The following MYO5A variants were observed in gnomAD, a reference collection of about 807,000 sequenced individuals.
The protein encoded by MYO5A is unconventional myosin-Va.
In MYO5A, 98 loss-of-function variants were observed where a neutral mutation model predicts 249.7. That is an observed-to-expected ratio of 0.39 (90% CI 0.33 to 0.46). The LOEUF (loss-of-function observed/expected upper bound fraction) is 0.46, where lower values mean the gene tolerates loss of function less well. Among genes scored for constraint, MYO5A ranks in the 20% least tolerant of loss-of-function variants. MYO5A has a pLI of 0.98. For synonymous variants in MYO5A, 778 were observed against 810.6 expected, an observed-to-expected ratio of 0.96 and a Z score of 0.68; for missense variants, 1,696 against 2,308.8, an observed-to-expected ratio of 0.73 and a Z score of 5.44.
rs2042108560 is a variant in MYO5A at position 52,389,371 on chromosome 15, C to T, written c.1543-8G>A. 6.2e-7 allele frequency: 1 copy of T among 1,608,916 alleles called. No homozygotes were observed. Among genetic ancestry groups the T allele is most frequent in the African/African-American group, 1.4e-5 (1 of 73,192 alleles). On this transcript the variant is annotated splice_polypyrimidine_tract_variant and splice_region_variant and intron_variant, in intron 12 of 41. Transcript: ENST00000399233. Reference sequence around the variant, plus strand: ...ATCTGTGCCTTTAGGCATCTATATTCATGGAAAAAAGGAAGAAAGAAAACA... The same window carrying T: ...ATCTGTGCCTTTAGGCATCTATATTTATGGAAAAAAGGAAGAAAGAAAACA...
At chr15:52,340,984 G>C (rs995452577) in intron 31 of MYO5A, among the ~76,000 whole-genome samples, 3 of 147,312 alleles carry the variant, frequency 2.0e-5, no homozygotes, top group Non-Finnish European at 4.4e-5. Flanking sequence ...TAGGAAATGA[G>C]GATGTAAAAA....
chr15:52,490,172 G>A (rs2076907411), intron 1 of MYO5A, among the ~76,000 whole-genome samples: 1 of 152,188 alleles, frequency 6.6e-6, no homozygotes, highest in African/African-American at 2.4e-5. Context: ...ACGGAAAACA[G>A]TATGGTGGTT....
At chr15:52,476,981 A>G (rs1429136779) in intron 1 of MYO5A, among the ~76,000 whole-genome samples, 1 of 152,204 alleles carries the variant, frequency 6.6e-6, no homozygotes, top group African/African-American at 2.4e-5. Flanking sequence ...AATAACCTGA[A>G]GAGTGTTTTC....
In MYO5A at chr15:52,376,361, G is replaced by A. The variant is rs757393544; in HGVS notation, c.2406C>T (p.Gly802=). The change falls in exon 19 of 42, where the codon GGC becomes GGT. Residue 802 remains glycine (G), a synonymous_variant. Coordinates refer to ENST00000399233, the MANE Select transcript of MYO5A (RefSeq NM_001382347.1). The stretch of plus-strand genomic sequence containing the variant: ...AGGAGACCTACCATCGGGCCTGGTA[G>A]CCCCGCACGTATCTCTGCATGGTGA... ...AAITMQRYVR[G]YQARCYAKFL... 6.2e-7 allele frequency: 1 copy of A among 1,614,068 alleles called. No homozygotes were observed. The highest frequency in any genetic ancestry group is 1.1e-5 in the South Asian group (1 of 91,068).
At chr15:52,430,928 T>C (rs926261005) in intron 2 of MYO5A, among the ~76,000 whole-genome samples, 4 of 152,028 alleles carry the variant, frequency 2.6e-5, no homozygotes, top group Admixed American at 2.6e-4. Flanking sequence ...TCACGGGTTT[T>C]ATTTTTTTTA....
At chr15:52,468,335 C>T (rs1393163836) in intron 1 of MYO5A, among the ~76,000 whole-genome samples, 2 of 152,084 alleles carry the variant, frequency 1.3e-5, no homozygotes, top group Non-Finnish European at 2.9e-5. Flanking sequence ...TGTGCAGTCT[C>T]ACTAATAATT....
At chr15:52,492,138 A>AT (rs922849553) in intron 1 of MYO5A, among the ~76,000 whole-genome samples, 1 of 152,142 alleles carries the variant, frequency 6.6e-6, no homozygotes, top group African/African-American at 2.4e-5. Flanking sequence ...AGATATATAG[A>AT]TTTTTTTAAG....
chr15:52,318,636 T>C (rs767077943), intron 39 of MYO5A, among the ~76,000 whole-genome samples: 20 of 152,116 alleles, frequency 1.3e-4, no homozygotes, highest in Non-Finnish European at 2.2e-4. Flanking sequence ...CAAAAAGGTA[T>C]TTTTCCAAAA....
At chr15:52,447,529 C>T (rs2075918535) in intron 1 of MYO5A, among the ~76,000 whole-genome samples, 1 of 152,030 alleles carries the variant, frequency 6.6e-6, no homozygotes, top group Non-Finnish European at 1.5e-5. Flanking sequence ...ATAAAGATAC[C>T]TGAAAATGTG....
intron 1 of MYO5A, among the ~76,000 whole-genome samples, chr15:52,472,613 G>C (rs2076499685): frequency 6.6e-6 from 1 of 152,148 alleles, no homozygotes; most frequent in Admixed American, 6.5e-5. Context: ...TCATTGTTCA[G>C]TTCCCACCTA....
chr15:52,318,608 T>C (rs947771116), intron 39 of MYO5A, among the ~76,000 whole-genome samples: 9 of 152,182 alleles, frequency 5.9e-5, no homozygotes, highest in African/African-American at 2.2e-4. Flanking sequence ...ATCAGACCTG[T>C]TCTTGTTGCC....
At chr15:52,506,573 C>T (rs1324696692) in intron 1 of MYO5A, among the ~76,000 whole-genome samples, 1 of 150,876 alleles carries the variant, frequency 6.6e-6, no homozygotes, top group Non-Finnish European at 1.5e-5. Flanking sequence ...TGCAGTGGCT[C>T]ATGCTTGTAA....
intron 1 of MYO5A, among the ~76,000 whole-genome samples, chr15:52,496,967 C>CT (rs945141298): frequency 3.3e-5 from 5 of 150,494 alleles, no homozygotes; most frequent in Admixed American, 6.6e-5. Flanking sequence ...GTTGAAACAG[C>CT]TTTTTTTTTC....
chr15:52,499,554 T>G (rs996125306), intron 1 of MYO5A, among the ~76,000 whole-genome samples: 7 of 152,178 alleles, frequency 4.6e-5, no homozygotes, highest in Non-Finnish European at 8.8e-5. Flanking sequence ...TTGTACTACT[T>G]TAGGTACTTC....
chr15:52,431,702 T>C (rs1024674476), intron 2 of MYO5A, among the ~76,000 whole-genome samples: 1 of 119,644 alleles, frequency 8.4e-6, no homozygotes. Flanking sequence ...AAAAAAAAAA[T>C]AAGCCAGGCA....
chr15:52,335,521 A>G, intron 34 of MYO5A, among the ~76,000 whole-genome samples: 1 of 126,950 alleles, frequency 7.9e-6, no homozygotes, highest in Admixed American at 7.0e-5. Context: ...GTCTCCAAAA[A>G]AAAAAAAAAA....
At chr15:52,361,526 G>C (rs2040526116) in intron 24 of MYO5A, among the ~76,000 whole-genome samples, 1 of 152,154 alleles carries the variant, frequency 6.6e-6, no homozygotes, top group African/African-American at 2.4e-5. Flanking sequence ...AAACGAGAGA[G>C]AGTTAGGCAG....
intron 2 of MYO5A, among the ~76,000 whole-genome samples, chr15:52,431,847 G>T (rs1484807316): frequency 6.6e-6 from 1 of 152,042 alleles, no homozygotes; most frequent in African/African-American, 2.4e-5. Context: ...AATTAGCCAG[G>T]CATGGTGGCT....
At chr15:52,396,897 T>C (rs558426261) in intron 10 of MYO5A, among the ~76,000 whole-genome samples, 8 of 152,244 alleles carry the variant, frequency 5.3e-5, no homozygotes, top group African/African-American at 1.9e-4. Flanking sequence ...TAAGGCAAAC[T>C]AGCAAATAAA....
Sources: gnomAD v4.1 joint callset for allele counts (sites outside exome capture counted in the v4.1 genomes callset) on GRCh38, gnomAD v4.1.1 for gene constraint, MANE v1.5 for transcripts, NCBI Gene and HGNC (gene_info 2026-07-23, HGNC 2026-07-21) for gene names.